The following EYS variants were observed in gnomAD, a reference collection of about 807,000 sequenced individuals.
The protein encoded by EYS is protein eyes shut homolog.
EYS carries 250 observed loss-of-function variants against 282.1 expected under a neutral mutation model. That is an observed-to-expected ratio of 0.89 (90% confidence interval 0.80 to 0.98). The LOEUF is 0.98. EYS is among the 50% of genes least tolerant of loss of function. EYS has a pLI of 0.00. For synonymous variants in EYS, 1,355 were observed against 1,282.9 expected (o/e 1.06, Z -1.20); for missense variants, 4,016 against 3,709.0 (o/e 1.08, Z -2.15).
At chr6:63,873,498 A>G (rs1772874147) in intron 35 of EYS, among the ~76,000 whole-genome samples, 1 of 152,200 alleles carries the variant, frequency 6.6e-6, no homozygotes, top group South Asian at 2.1e-4. Context: ...CGTGATTTAT[A>G]TTCCTTTGGA....
At chr6:63,887,742 C>A (rs1773301218) in intron 35 of EYS, among the ~76,000 whole-genome samples, 2 of 149,266 alleles carry the variant, frequency 1.3e-5, no homozygotes, top group East Asian at 4.0e-4. Context: ...GTTTGGGCAG[C>A]CACTGAGCTA....
At chr6:65,148,303 T>G (rs543326280) in intron 12 of EYS, among the ~76,000 whole-genome samples, 1 of 152,218 alleles carries the variant, frequency 6.6e-6, no homozygotes, top group East Asian at 1.9e-4. Flanking sequence ...ACAGGCATTG[T>G]GTAAACACAC....
chr6:64,415,130 A>C (rs947757012), intron 28 of EYS, among the ~76,000 whole-genome samples: 5 of 152,202 alleles, frequency 3.3e-5, no homozygotes, highest in African/African-American at 1.2e-4. Context: ...ACACTGGCGA[A>C]GAAAAAATTC....
intron 14 of EYS, among the ~76,000 whole-genome samples, chr6:64,964,850 G>C (rs1770041387): frequency 6.6e-6 from 1 of 151,886 alleles, no homozygotes; most frequent in Non-Finnish European, 1.5e-5. Context: ...CGGTCAACAT[G>C]GTGAAATCCC....
At chr6:64,815,878 G>A (rs1166094685) in intron 21 of EYS, among the ~76,000 whole-genome samples, 1 of 152,024 alleles carries the variant, frequency 6.6e-6, no homozygotes, top group East Asian at 1.9e-4. Context: ...TATATTCATT[G>A]TGAAATTCTT....
At chr6:64,092,915 T>C (rs927454764) in intron 31 of EYS, among the ~76,000 whole-genome samples, 27 of 150,754 alleles carry the variant, frequency 1.8e-4, no homozygotes, top group Admixed American at 9.2e-4. Flanking sequence ...TAATCCATCT[T>C]GAATTAATTT....
At chr6:63,786,040 C>G (rs1300383352) in intron 39 of EYS, 1 of 151,700 alleles carries the variant, frequency 6.6e-6, no homozygotes, top group East Asian at 1.9e-4. Flanking sequence ...TATTTTATAA[C>G]TCTACTACAA....
intron 29 of EYS, among the ~76,000 whole-genome samples, chr6:64,345,495 C>T (rs1264895156): frequency 4.6e-5 from 7 of 152,036 alleles, no homozygotes; most frequent in Non-Finnish European, 1.0e-4. Context: ...ACTGGCTAGC[C>T]ATATGTAGAA....
intron 35 of EYS, among the ~76,000 whole-genome samples, chr6:63,918,600 T>C (rs990432953): frequency 2.6e-5 from 4 of 152,078 alleles, no homozygotes; most frequent in African/African-American, 9.7e-5. Context: ...GCAGTATCAG[T>C]AAAGAGTCCA....
At chr6:64,571,883 T>C (rs1042856131) in intron 26 of EYS, among the ~76,000 whole-genome samples, 1 of 152,074 alleles carries the variant, frequency 6.6e-6, no homozygotes, top group Non-Finnish European at 1.5e-5. Flanking sequence ...CTGAAACTAT[T>C]GCAAACAATA....
chr6:64,919,915 C>T lies in EYS; in HGVS notation c.2382-7172G>A, dbSNP rs186538447. On this transcript the variant is annotated intron_variant, in intron 15 of 42. Transcript: ENST00000503581. The stretch of plus-strand genomic sequence containing the variant: ...CAGAGGCAGATAATGCATTGGGTCA[C>T]GCCTCCAGTATATTCATATTTAAAA... Among the ~76,000 whole-genome samples the T allele has an allele frequency of 7.6e-4, 115 of 152,194 alleles. 1 individual carries two copies. The highest frequency in any genetic ancestry group is 1.3e-3 in the Non-Finnish European group (86 of 68,012).
intron 26 of EYS, among the ~76,000 whole-genome samples, chr6:64,529,173 T>C (rs1179940395): frequency 2.0e-5 from 3 of 152,068 alleles, no homozygotes. Flanking sequence ...AACAAAGTAA[T>C]CCATGCCTAA....
intron 22 of EYS, among the ~76,000 whole-genome samples, chr6:64,804,124 G>A (rs1764353353): frequency 6.6e-6 from 1 of 152,120 alleles, no homozygotes; most frequent in Non-Finnish European, 1.5e-5. Flanking sequence ...AAAATTATCT[G>A]GAGGTATGTA....
intron 31 of EYS, among the ~76,000 whole-genome samples, chr6:64,089,209 A>G (rs1411193351): frequency 1.3e-5 from 2 of 151,730 alleles, no homozygotes; most frequent in Non-Finnish European, 1.5e-5. Flanking sequence ...GTCTAATTTT[A>G]TTAAAATCTG....
chr6:63,872,436 A>G (rs1772832453), intron 35 of EYS, among the ~76,000 whole-genome samples: 1 of 147,842 alleles, frequency 6.8e-6, no homozygotes, highest in South Asian at 2.1e-4. Flanking sequence ...TCTCAGCCCT[A>G]GAGGTAGGAA....
intron 12 of EYS, among the ~76,000 whole-genome samples, chr6:65,127,840 GT>G: frequency 6.6e-6 from 1 of 152,160 alleles, no homozygotes; most frequent in Non-Finnish European, 1.5e-5. Flanking sequence ...AGAAAAAAAT[GT>G]GTGTGCAACT....
At chr6:64,775,038 G>A (rs1049052479) in intron 22 of EYS, among the ~76,000 whole-genome samples, 2 of 151,978 alleles carry the variant, frequency 1.3e-5, no homozygotes, top group Admixed American at 6.6e-5. Context: ...AAACTCGAAT[G>A]CCTAGAGATG....
At chr6:64,057,130 A>T (rs1170237437) in intron 33 of EYS, among the ~76,000 whole-genome samples, 1 of 152,226 alleles carries the variant, frequency 6.6e-6, no homozygotes, top group Non-Finnish European at 1.5e-5. Flanking sequence ...GAGTTCAAAC[A>T]CTTTGGCTCA....
chr6:65,144,686 A>C (rs1184054091), intron 12 of EYS, among the ~76,000 whole-genome samples: 2 of 152,108 alleles, frequency 1.3e-5, no homozygotes, highest in Non-Finnish European at 2.9e-5. Flanking sequence ...ATATTAGAAT[A>C]AATTTTTTTA....
Sources: allele counts gnomAD v4.1 joint callset (sites outside exome capture counted in the v4.1 genomes callset), GRCh38; gene constraint gnomAD v4.1.1; transcripts MANE v1.5; gene names NCBI Gene and HGNC (gene_info 2026-07-23, HGNC 2026-07-21).